OXCT1: variants seen among roughly 807,000 people sequenced by gnomAD.
The protein encoded by OXCT1 is succinyl-CoA:3-ketoacid coenzyme A transferase 1, mitochondrial.
Under a neutral mutation model 69.6 loss-of-function variants are expected in OXCT1, and 27 were observed. That is an observed-to-expected ratio of 0.39 (90% confidence interval 0.29 to 0.54). The LOEUF (loss-of-function observed/expected upper bound fraction) is 0.54, where lower values mean the gene tolerates loss of function less well. OXCT1 is among the 20% of genes least tolerant of loss of function. OXCT1 has a pLI of 0.72. For synonymous variants in OXCT1, 202 were observed against 217.8 expected (o/e 0.93, Z 0.64); for missense variants, 437 against 650.2 (o/e 0.67, Z 3.57).
chr5:41,821,842 A>G (rs1174546452), intron 7 of OXCT1, among the ~76,000 whole-genome samples: 4 of 152,166 alleles, frequency 2.6e-5, no homozygotes, highest in African/African-American at 9.7e-5. Context: ...CCAGTCTTTT[A>G]TAAGATACAT....
chr5:41,868,497 G>A (rs1193739325), intron 1 of OXCT1, among the ~76,000 whole-genome samples: 3 of 152,292 alleles, frequency 2.0e-5, no homozygotes, highest in Non-Finnish European at 4.4e-5. Context: ...GCCGAGGCGG[G>A]CGGATCACGA....
intron 7 of OXCT1, among the ~76,000 whole-genome samples, chr5:41,821,894 T>A (rs1003315442): frequency 6.6e-6 from 1 of 152,194 alleles, no homozygotes. Flanking sequence ...GTCATTTTTT[T>A]CCCTGTACAG....
chr5:41,779,841 A>C (rs569651491), intron 13 of OXCT1, among the ~76,000 whole-genome samples: 8 of 152,258 alleles, frequency 5.3e-5, no homozygotes, highest in African/African-American at 1.9e-4. Flanking sequence ...GGGCCAAAAA[A>C]GAAATCAAAA....
intron 7 of OXCT1, among the ~76,000 whole-genome samples, chr5:41,825,969 A>G (rs1325803816): frequency 6.6e-6 from 1 of 152,252 alleles, no homozygotes; most frequent in Non-Finnish European, 1.5e-5. Context: ...GAGCCAAAGT[A>G]TAAAAAGAGA....
chr5:41,848,554 C>T (rs910620775), intron 5 of OXCT1, among the ~76,000 whole-genome samples: 1 of 145,756 alleles, frequency 6.9e-6, no homozygotes, highest in African/African-American at 2.5e-5. Flanking sequence ...CTACAGTAAC[C>T]AAAACAGCAT....
At chr5:41,773,016 G>A (rs996189498) in intron 13 of OXCT1, among the ~76,000 whole-genome samples, 1 of 152,106 alleles carries the variant, frequency 6.6e-6, no homozygotes, top group Non-Finnish European at 1.5e-5. Flanking sequence ...CTCTGGGAGG[G>A]TCCTATCATC....
chr5:41,743,068 T>C (rs1743261539), intron 15 of OXCT1, among the ~76,000 whole-genome samples: 1 of 152,222 alleles, frequency 6.6e-6, no homozygotes. Context: ...TCTTCCACAA[T>C]GGCTGAACTA....
chr5:41,811,102 TG>T (rs1746964400), intron 7 of OXCT1, among the ~76,000 whole-genome samples: 1 of 144,664 alleles, frequency 6.9e-6, no homozygotes, highest in African/African-American at 2.5e-5. Flanking sequence ...AAAGCAGCTG[TG>T]GAAGTCTAGA....
Position 41,778,232 on chromosome 5 carries a change from C to T in OXCT1, c.1248+15771G>A, listed in dbSNP as rs116406450. The stretch of plus-strand genomic sequence containing the variant: ...AGTTACAGATGGAATATCTTATTAT[C>T]TAAAAATTTTCTATAAATCAAGTAT... On this transcript the variant is annotated intron_variant, in intron 13 of 16. Coordinates refer to ENST00000196371, the MANE Select transcript of OXCT1 (RefSeq NM_000436.4). Among the ~76,000 whole-genome samples, 1,272 of 152,196 alleles carry T rather than the reference C, an allele frequency of 8.4e-3. 20 individuals are homozygous for T. Among genetic ancestry groups the T allele is most frequent in the African/African-American group, 0.029 (1,219 of 41,516 alleles).
chr5:41,742,614 T>C (rs1250232689), intron 15 of OXCT1, among the ~76,000 whole-genome samples: 2 of 152,184 alleles, frequency 1.3e-5, no homozygotes, highest in African/African-American at 4.8e-5. Flanking sequence ...GTATATCTCC[T>C]AATGCTATCC....
chr5:41,760,937 G>A (rs564107042), intron 14 of OXCT1, among the ~76,000 whole-genome samples: 1 of 152,202 alleles, frequency 6.6e-6, no homozygotes, highest in Non-Finnish European at 1.5e-5. Flanking sequence ...AAGCAGGTGG[G>A]ATGTGAATCT....
chr5:41,823,454 A>G (rs903333701), intron 7 of OXCT1, among the ~76,000 whole-genome samples: 6 of 152,104 alleles, frequency 3.9e-5, no homozygotes, highest in African/African-American at 1.2e-4. Context: ...CATCAATTAC[A>G]GTTTGAGCTT....
At chr5:41,843,692 T>C in intron 5 of OXCT1, 3 of 418,722 alleles carry the variant, frequency 7.2e-6, no homozygotes, top group South Asian at 5.1e-5. Context: ...TTCTCATCCC[T>C]ACCGCACCCC....
chr5:41,816,865 A>G (rs145300181), intron 7 of OXCT1, among the ~76,000 whole-genome samples: 1 of 152,280 alleles, frequency 6.6e-6, no homozygotes, highest in East Asian at 1.9e-4. Context: ...TAACTTTTCA[A>G]TGTTGGAATG....
intron 1 of OXCT1, among the ~76,000 whole-genome samples, chr5:41,869,862 G>A (rs1561143725): frequency 1.3e-5 from 2 of 152,090 alleles, no homozygotes; most frequent in Non-Finnish European, 2.9e-5. Flanking sequence ...CATCGGGGGC[G>A]CAAACCTACC....
intron 3 of OXCT1, among the ~76,000 whole-genome samples, chr5:41,859,865 A>ATATATATATATATATAT (rs1561135445): frequency 6.9e-4 from 41 of 59,096 alleles, no homozygotes; most frequent in Non-Finnish European, 1.3e-3. Flanking sequence ...TAGTATAGTA[A>ATATATATATATATATAT]TATATATATA....
rs1166271612 is a variant in OXCT1 at position 41,730,712 on chromosome 5, C to T, written c.*1017G>A. ...CCCTGACACTAAAAGTTCACTGACT[C>T]TTCAAATCCTAGACTTGTCCAACAT... On this transcript the variant is annotated 3_prime_UTR_variant, in exon 17 of 17. Transcript: ENST00000196371. 1 of 152,176 alleles carries T rather than the reference C, an allele frequency of 6.6e-6. No individual in the cohort carries two copies. The highest frequency in any genetic ancestry group is 1.5e-5 in the Non-Finnish European group (1 of 68,030). The allele number at this position is 152,176 out of a possible 1,614,324, so 9.4% of individuals were successfully genotyped here.
chr5:41,849,200 C>G (rs10069904), intron 5 of OXCT1, among the ~76,000 whole-genome samples: 14 of 152,086 alleles, frequency 9.2e-5, no homozygotes, highest in African/African-American at 3.1e-4. Context: ...TCCCTCTGAT[C>G]GTTCCTAGGA....
intron 7 of OXCT1, among the ~76,000 whole-genome samples, chr5:41,825,427 T>C (rs1263965586): frequency 6.6e-6 from 1 of 152,216 alleles, no homozygotes; most frequent in Non-Finnish European, 1.5e-5. Context: ...TCTTGGTTCC[T>C]AGTCTTAGGA....
Sources: allele counts gnomAD v4.1 joint callset (sites outside exome capture counted in the v4.1 genomes callset), GRCh38; gene constraint gnomAD v4.1.1; transcripts MANE v1.5; gene names NCBI Gene and HGNC (gene_info 2026-07-23, HGNC 2026-07-21).